Variants in SLC35D4 observed in about 807,000 individuals in gnomAD.
SLC35D4 encodes solute carrier family 35 member D4.
At chr18:23,355,721 G>A in the SLC35D4 span, among the ~76,000 whole-genome samples, 1 of 151,940 alleles carries the variant, frequency 6.6e-6, no homozygotes, top group Non-Finnish European at 1.5e-5. Context: ...GAGAACAGGT[G>A]GCCTGATTTT....
chr18:23,398,587 A>G, the SLC35D4 span, among the ~76,000 whole-genome samples: 6 of 152,340 alleles, frequency 3.9e-5, no homozygotes, highest in Non-Finnish European at 8.8e-5. Context: ...CCCATTGCAT[A>G]TATCACCCCA....
chr18:23,355,590 T>A, the SLC35D4 span, among the ~76,000 whole-genome samples: 13 of 92,470 alleles, frequency 1.4e-4, no homozygotes, highest in Non-Finnish European at 2.2e-4. Flanking sequence ...AACTCTGTAA[T>A]TCTTTTTTTT....
chr18:23,326,176 T>C, the SLC35D4 span, among the ~76,000 whole-genome samples: 1 of 152,222 alleles, frequency 6.6e-6, no homozygotes, highest in African/African-American at 2.4e-5. Flanking sequence ...CTCTGTGTGA[T>C]AGCAGGATCA....
chr18:23,396,005 C>A, the SLC35D4 span, among the ~76,000 whole-genome samples: 1 of 152,216 alleles, frequency 6.6e-6, no homozygotes, highest in Non-Finnish European at 1.5e-5. Context: ...GAAACCAGGT[C>A]TTATTTGTCT....
the SLC35D4 span, among the ~76,000 whole-genome samples, chr18:23,410,532 T>A: frequency 6.9e-6 from 1 of 145,612 alleles, no homozygotes; most frequent in Non-Finnish European, 1.5e-5. Context: ...GGGCTGGGCG[T>A]AGTGGCTCAC....
the SLC35D4 span, among the ~76,000 whole-genome samples, chr18:23,394,931 C>T: frequency 8.9e-4 from 124 of 139,240 alleles, no homozygotes; most frequent in South Asian, 0.026. Context: ...TGTGGTGAGC[C>T]GAGATCACGC....
At chr18:23,287,671 T>C in the SLC35D4 span, among the ~76,000 whole-genome samples, 1 of 152,234 alleles carries the variant, frequency 6.6e-6, no homozygotes, top group Non-Finnish European at 1.5e-5. Context: ...GAAACCTAGC[T>C]GACCCCATAG....
the SLC35D4 span, among the ~76,000 whole-genome samples, chr18:23,412,474 T>C: frequency 6.6e-6 from 1 of 152,206 alleles, no homozygotes; most frequent in African/African-American, 2.4e-5. Context: ...TAGATTTCTT[T>C]TTCTTTTTCT....
the SLC35D4 span, among the ~76,000 whole-genome samples, chr18:23,363,193 C>T: frequency 1.4e-5 from 2 of 146,862 alleles, no homozygotes; most frequent in South Asian, 4.4e-4. Flanking sequence ...TGCAGTGAGC[C>T]GAGATACACC....
the SLC35D4 span, among the ~76,000 whole-genome samples, chr18:23,319,538 G>A: frequency 3.3e-5 from 5 of 152,064 alleles, no homozygotes; most frequent in Admixed American, 3.3e-4. Flanking sequence ...CTGCCTCCTG[G>A]GTTCAAGCAA....
At chr18:23,273,856 A>T in the SLC35D4 span, among the ~76,000 whole-genome samples, 1 of 152,296 alleles carries the variant, frequency 6.6e-6, no homozygotes, top group African/African-American at 2.4e-5. Flanking sequence ...TAAGCACAAC[A>T]CATACATACA....
At chr18:23,363,364 A>ATTTT in the SLC35D4 span, among the ~76,000 whole-genome samples, 59 of 90,462 alleles carry the variant, frequency 6.5e-4, 4 homozygotes, top group African/African-American at 1.7e-3. Flanking sequence ...ACAAAAGCAC[A>ATTTT]TTTTTTTTTT....
At chr18:23,309,851 T>G in the SLC35D4 span, 1 of 1,068,632 alleles carries the variant, frequency 9.4e-7, no homozygotes, top group Non-Finnish European at 1.4e-6. Context: ...ATGCCTGCCA[T>G]CAGGCACTTC....
At chr18:23,401,209 G>A in the SLC35D4 span, among the ~76,000 whole-genome samples, 129 of 152,274 alleles carry the variant, frequency 8.5e-4, no homozygotes, top group Middle Eastern at 3.4e-3. Flanking sequence ...ATTTGCCTGC[G>A]GTGAGAAGAG....
the SLC35D4 span, among the ~76,000 whole-genome samples, chr18:23,250,339 AT>A: frequency 0.48 from 73,442 of 151,892 alleles, 20,104 homozygotes; most frequent in African/African-American, 0.73. Context: ...GGGTGCCTGG[AT>A]TGGGGGGTGA....
the SLC35D4 span, among the ~76,000 whole-genome samples, chr18:23,375,298 C>A: frequency 6.6e-6 from 1 of 151,862 alleles, no homozygotes; most frequent in East Asian, 1.9e-4. Context: ...TTAGGAGACA[C>A]AGTATTTAGT....
the SLC35D4 span, among the ~76,000 whole-genome samples, chr18:23,276,432 GT>G: frequency 1.5e-3 from 214 of 138,636 alleles, no homozygotes; most frequent in South Asian, 2.8e-3. Flanking sequence ...CCAGAATTTT[GT>G]TTTTTTTTTT....
the SLC35D4 span, among the ~76,000 whole-genome samples, chr18:23,432,345 C>G: frequency 6.6e-6 from 1 of 152,134 alleles, no homozygotes; most frequent in African/African-American, 2.4e-5. Flanking sequence ...AGACAAAATG[C>G]TATTCTATTG....
chr18:23,389,134 C>T, the SLC35D4 span, among the ~76,000 whole-genome samples: 2 of 151,912 alleles, frequency 1.3e-5, no homozygotes, highest in South Asian at 4.1e-4. Flanking sequence ...GGACTACAGG[C>T]CCTGCCATGA....
Sources: gnomAD v4.1 joint callset for allele counts (sites outside exome capture counted in the v4.1 genomes callset) on GRCh38, gnomAD v4.1.1 for gene constraint, MANE v1.5 for transcripts, NCBI Gene and HGNC (gene_info 2026-07-23, HGNC 2026-07-21) for gene names.